SCAMP1: variants seen among roughly 807,000 people sequenced by gnomAD.
SCAMP1 encodes the protein secretory carrier membrane protein 1.
SCAMP1 carries 15 observed loss-of-function variants against 41.8 expected under a neutral mutation model. The ratio of observed to expected loss-of-function variants is 0.36; its 90% CI spans 0.24 to 0.55. The LOEUF (loss-of-function observed/expected upper bound fraction) is 0.55. Ranked by LOEUF, SCAMP1 falls within the 20% of genes least tolerant of loss-of-function variation. SCAMP1 has a pLI of 0.86. For synonymous variants in SCAMP1, 135 were observed against 136.8 expected, an observed-to-expected ratio of 0.99 and a Z score of 0.09; for missense variants, 341 against 412.6, an observed-to-expected ratio of 0.83 and a Z score of 1.50.
At chr5:78,450,973 TTAAA>T (rs1753210695) in intron 7 of SCAMP1, among the ~76,000 whole-genome samples, 1 of 152,344 alleles carries the variant, frequency 6.6e-6, no homozygotes, top group East Asian at 1.9e-4. Context: ...TATTATTATT[TTAAA>T]TAGTGTCTAG....
chr5:78,375,980 G>T (rs1270844677), intron 1 of SCAMP1, among the ~76,000 whole-genome samples: 1 of 152,116 alleles, frequency 6.6e-6, no homozygotes, highest in Non-Finnish European at 1.5e-5. Flanking sequence ...TCCATATAAA[G>T]AATCTTATTT....
chr5:78,431,742 C>T (rs1406974631), intron 6 of SCAMP1, among the ~76,000 whole-genome samples: 4 of 151,676 alleles, frequency 2.6e-5, no homozygotes, highest in Non-Finnish European at 5.9e-5. Flanking sequence ...CTCAGTTCCC[C>T]CTTCCCAACC....
chr5:78,385,626 C>T (rs567200465), intron 1 of SCAMP1, among the ~76,000 whole-genome samples: 6 of 152,128 alleles, frequency 3.9e-5, no homozygotes, highest in East Asian at 1.9e-4. Flanking sequence ...CATTTCCCAG[C>T]GGTTTTGATA....
At chr5:78,469,970 G>C (rs1753846370) in intron 8 of SCAMP1, among the ~76,000 whole-genome samples, 2 of 133,278 alleles carry the variant, frequency 1.5e-5, no homozygotes, top group Admixed American at 1.6e-4. Context: ...TGAGTTTATT[G>C]TCCTAGCTGT....
At chr5:78,388,524 T>TGAC (rs1015315627) in intron 1 of SCAMP1, among the ~76,000 whole-genome samples, 8 of 152,248 alleles carry the variant, frequency 5.3e-5, no homozygotes, top group African/African-American at 9.6e-5. Context: ...ATGGTGGGTC[T>TGAC]ACCTGAGATG....
chr5:78,379,000 G>A (rs1164992380), intron 1 of SCAMP1, among the ~76,000 whole-genome samples: 2 of 152,176 alleles, frequency 1.3e-5, no homozygotes, highest in Non-Finnish European at 2.9e-5. Context: ...GAGAACCACA[G>A]CCAAAGAAGA....
chr5:78,458,621 C>T (rs889984062), intron 7 of SCAMP1, among the ~76,000 whole-genome samples: 5 of 152,150 alleles, frequency 3.3e-5, no homozygotes, highest in Non-Finnish European at 7.4e-5. Flanking sequence ...TGCAGTGGCT[C>T]ACGCTATAAT....
intron 1 of SCAMP1, among the ~76,000 whole-genome samples, chr5:78,378,280 A>G (rs898941190): frequency 6.6e-6 from 1 of 152,240 alleles, no homozygotes; most frequent in Non-Finnish European, 1.5e-5. Flanking sequence ...ACTACTATTT[A>G]GCTTAAAAAT....
In SCAMP1 at chr5:78,456,659, T is replaced by A. The variant is rs566523653; in HGVS notation, c.735-2586T>A. 3.4e-3 allele frequency among the ~76,000 whole-genome samples: 508 copies of A among 150,936 alleles called. 7 individuals carry two copies. The highest frequency in any genetic ancestry group is 0.012 in the African/African-American group (489 of 40,794). On this transcript the variant is annotated intron_variant, in intron 7 of 8. Transcript: ENST00000621999. The stretch of plus-strand genomic sequence containing the variant: ...AACTTTGGTGAATCTGACAATAATG[T>A]GTCTTGGAGTTGCTCTTCTTGAGGA...
At chr5:78,385,002 G>A (rs116161644) in intron 1 of SCAMP1, among the ~76,000 whole-genome samples, 149 of 152,070 alleles carry the variant, frequency 9.8e-4, no homozygotes, top group African/African-American at 3.3e-3. Flanking sequence ...TCTGTTTTTC[G>A]GAATAGTGCC....
Position 78,475,859 on chromosome 5 carries a change from G to C in SCAMP1, c.*191G>C, listed in dbSNP as rs1431922131. Reference sequence around the variant, plus strand: ...TACCTAATAGTTTCTTAATATTTCAGTGCCCCTTGCAGAAAAAATATTACA... The same window carrying C: ...TACCTAATAGTTTCTTAATATTTCACTGCCCCTTGCAGAAAAAATATTACA... On this transcript the variant is annotated 3_prime_UTR_variant, in exon 9 of 9. Transcript: ENST00000621999. 2.8e-6 allele frequency: 1 copy of C among 355,270 alleles called. No homozygotes were observed. The highest frequency in any genetic ancestry group is 5.0e-6 in the Non-Finnish European group (1 of 201,998). 22.0% of individuals were successfully genotyped at this position (355,270 alleles called of 1,614,324 possible).
At chr5:78,456,697 T>C (rs552171584) in intron 7 of SCAMP1, among the ~76,000 whole-genome samples, 2 of 151,140 alleles carry the variant, frequency 1.3e-5, no homozygotes, top group African/African-American at 2.5e-5. Context: ...ATCTTTGTGG[T>C]GGTCTCTGTA....
At chr5:78,399,974 G>T (rs911087505) in intron 2 of SCAMP1, among the ~76,000 whole-genome samples, 1 of 152,020 alleles carries the variant, frequency 6.6e-6, no homozygotes, top group African/African-American at 2.4e-5. Context: ...GTTTATTTTA[G>T]TGACAGGGTT....
intron 1 of SCAMP1, among the ~76,000 whole-genome samples, chr5:78,387,995 T>TC (rs1751387058): frequency 6.6e-6 from 1 of 152,202 alleles, no homozygotes; most frequent in Non-Finnish European, 1.5e-5. Context: ...ACCATAGAGC[T>TC]CCCAAGAGAT....
chr5:78,426,486 T>A lies in SCAMP1; in HGVS notation c.632+4526T>A, dbSNP rs541648367. Reference sequence around the variant, plus strand: ...ATCTTTTAATAATCACCATTTTAACTGGCATGAGATTGTATCTCATTGTGG... The same window carrying A: ...ATCTTTTAATAATCACCATTTTAACAGGCATGAGATTGTATCTCATTGTGG... On this transcript the variant is annotated intron_variant, in intron 6 of 8. Transcript: ENST00000621999. Among the ~76,000 whole-genome samples the A allele has an allele frequency of 3.5e-3, 529 of 152,352 alleles. 6 individuals carry two copies. The highest frequency in any genetic ancestry group is 0.012 in the African/African-American group (512 of 41,590).
At position 78,460,812 on chromosome 5, in the gene SCAMP1, CCTTCCTTCCTTT is replaced by C. The variant is rs1753584198; in HGVS notation, c.852+1454_852+1465del. ...TCCTTCCTTCCTTCCTTCCTCCCTT[CCTTCCTTCCTTT>C]CTTGTCTTTCCTCTATCTGTCTCTC... is the stretch of plus-strand genomic sequence containing the variant. On this transcript the variant is annotated intron_variant, in intron 8 of 8. Transcript: ENST00000621999. Among the ~76,000 whole-genome samples the C allele has an allele frequency of 1.6e-4, 4 of 25,472 alleles. 1 individual carries two copies. Among genetic ancestry groups the C allele is most frequent in the African/African-American group, 3.6e-4 (4 of 11,152 alleles). 16.7% of individuals were successfully genotyped at this position (25,472 alleles called of 152,430 possible). A position where few individuals can be genotyped will look rare whatever the true frequency, so the allele number is the denominator to read the frequency against.
At chr5:78,431,822 A>T (rs1279551821) in intron 6 of SCAMP1, among the ~76,000 whole-genome samples, 6 of 151,892 alleles carry the variant, frequency 4.0e-5, no homozygotes, top group African/African-American at 1.5e-4. Context: ...CCTTTAAAGA[A>T]TTTTTTTAAT....
chr5:78,474,075 G>A (rs1190554890), intron 8 of SCAMP1, among the ~76,000 whole-genome samples: 8 of 151,286 alleles, frequency 5.3e-5, no homozygotes, highest in African/African-American at 2.0e-4. Flanking sequence ...AAAAAAAAAA[G>A]TTCTTTTTGG....
rs749793305 is a variant in SCAMP1 at position 78,459,260 on chromosome 5, C to A, written c.750C>A (p.Ser250=). Residue 250 remains serine (S), a synonymous_variant, in exon 8 of 9, where the codon TCC becomes TCA. Transcript: ENST00000621999. ...TACTTTTTAGTGGTTGGATTTCATC[C>A]CTTACTGGTCTCAACCAAAATATTC... The part of the protein sequence containing the change: ...HNWGNCGWIS[S]LTGLNQNIPV... The A allele has an allele frequency of 6.4e-7, 1 of 1,563,338 alleles. No individual in the cohort carries two copies. Among genetic ancestry groups the A allele is most frequent in the South Asian group, 1.1e-5 (1 of 88,602 alleles).
Sources: allele counts gnomAD v4.1 joint callset (sites outside exome capture counted in the v4.1 genomes callset), GRCh38; gene constraint gnomAD v4.1.1; transcripts MANE v1.5; gene names NCBI Gene and HGNC (gene_info 2026-07-23, HGNC 2026-07-21).